Variants in RUVBL1 observed in about 807,000 individuals in gnomAD.
The protein encoded by RUVBL1 is RuvB like AAA ATPase 1.
Under a neutral mutation model 52.4 loss-of-function variants are expected in RUVBL1, and 4 were observed. That is an observed-to-expected ratio of 0.08 (90% CI 0.04 to 0.17). The LOEUF is 0.17. Among genes scored for constraint, RUVBL1 ranks in the 10% least tolerant of loss-of-function variants. The pLI is 1.00. For synonymous variants in RUVBL1, 217 were observed against 214.4 expected (o/e 1.01, Z -0.10); for missense variants, 298 against 572.8 (o/e 0.52, Z 4.90).
At position 128,081,493 on chromosome 3, in the gene RUVBL1, G is replaced by T; in HGVS notation, c.1212-84C>A. ...CCCCCCACATCAGTAGGCAGCACTG[G>T]CACCAGGAGCAGAGCCCAGTGCTGG... On this transcript the variant is annotated intron_variant, in intron 10 of 10. Transcript: ENST00000322623. This position sits in a 1 kb window ranked among gnomAD's most constrained non-coding sequence, Gnocchi z 4.8. 3 of 1,402,996 alleles carry T rather than the reference G, an allele frequency of 2.1e-6. No homozygotes were observed. Among genetic ancestry groups the T allele is most frequent in the South Asian group, 2.6e-5 (2 of 75,570 alleles). The allele number at this position is 1,402,996 out of a possible 1,614,324, so 86.9% of individuals were successfully genotyped here.
chr3:128,101,408 G>C, intron 5 of RUVBL1, 151 bp downstream of exon 5: 2 of 677,498 alleles, frequency 3.0e-6, no homozygotes, highest in South Asian at 1.8e-5. Flanking sequence ...ATACATAAAG[G>C]GCCACTAGTT....
upstream of RUVBL1, among the ~76,000 whole-genome samples, chr3:128,127,986 G>T (rs1393856613): frequency 1.3e-5 from 2 of 151,846 alleles, no homozygotes; most frequent in Non-Finnish European, 2.9e-5. Context: ...GACAGAGTGA[G>T]ACCCTGTCTC....
chr3:128,128,038 A>T (rs1943819996), upstream of RUVBL1, among the ~76,000 whole-genome samples: 1 of 152,054 alleles, frequency 6.6e-6, no homozygotes, highest in Non-Finnish European at 1.5e-5. Flanking sequence ...ATACATACAT[A>T]CATACATACA....
chr3:128,089,112 AT>A (rs1409834722), intron 8 of RUVBL1, among the ~76,000 whole-genome samples: 1 of 152,226 alleles, frequency 6.6e-6, no homozygotes, highest in Non-Finnish European at 1.5e-5. Flanking sequence ...TTAAGTTTGC[AT>A]TTCTTTGATT....
rs375757666 is a variant in RUVBL1 at position 128,100,584 on chromosome 3, C to T, written c.753+11G>A. The T allele has an allele frequency of 3.2e-6, 5 of 1,586,260 alleles. No homozygotes were observed. The highest frequency in any genetic ancestry group is 2.7e-5 in the African/African-American group (2 of 73,426). ...CTAATGTGCCAGATCACCCAGGCAT[C>T]GAGGCAGTACCTGGGGCCGCGCATT... On this transcript the variant is annotated intron_variant, in intron 6 of 10. Transcript: ENST00000322623.
Position 128,067,177 on chromosome 3 carries a change from T to C in RUVBL1, c.940-1957A>G, listed in dbSNP as rs1384388233. 5 of 1,601,332 alleles carry C rather than the reference T, an allele frequency of 3.1e-6. No individual in the cohort carries two copies. Among genetic ancestry groups the C allele is most frequent in the East Asian group, 2.2e-5 (1 of 44,820 alleles). On this transcript the variant is annotated intron_variant, in intron 9 of 9. Coordinates refer to the RUVBL1 transcript ENST00000464873. The surrounding 1 kb of genome is among the most constrained non-coding windows in gnomAD (Gnocchi z 4.1). ...GTAAGTAGGCTCTTTGAAGATGAGC[T>C]AGCAATGCAGCTAAGTTGCAGTGGT...
In RUVBL1 at chr3:128,081,500, G is replaced by A. The variant is rs1264212755; in HGVS notation, c.1212-91C>T. On this transcript the variant is annotated intron_variant, in intron 10 of 10. Coordinates refer to ENST00000322623, the MANE Select transcript of RUVBL1 (RefSeq NM_003707.3). This position sits in a 1 kb window ranked among gnomAD's most constrained non-coding sequence, Gnocchi z 4.8. ...CATCAGTAGGCAGCACTGGCACCAG[G>A]AGCAGAGCCCAGTGCTGGGCTTGTG... 5 of 1,359,584 alleles carry A rather than the reference G, an allele frequency of 3.7e-6. No homozygotes were observed. The highest frequency in any genetic ancestry group is 3.0e-6 in the Non-Finnish European group (3 of 990,948). 84.2% of individuals were successfully genotyped at this position (1,359,584 alleles called of 1,614,324 possible).
exon 1 of RUVBL1, chr3:128,153,492 AGGC>A (rs534678215): frequency 5.1e-5 from 75 of 1,475,862 alleles, no homozygotes; most frequent in East Asian, 1.4e-4. Context: ...CGGGTGTCCG[AGGC>A]GGCGGCGGCG....
At chr3:128,069,736 C>A in intron 9 of RUVBL1, 1 of 1,255,324 alleles carries the variant, frequency 8.0e-7, no homozygotes, top group Admixed American at 1.9e-5. Context: ...ATGGCGCGTG[C>A]TGCTGCGGCA....
intron 9 of RUVBL1, chr3:128,068,207 T>G: frequency 1.6e-6 from 1 of 636,694 alleles, no homozygotes; most frequent in South Asian, 1.9e-5. Flanking sequence ...TATATATTTA[T>G]AAACTTGCTA....
At chr3:128,108,797 TA>T (rs893334219) in intron 3 of RUVBL1, among the ~76,000 whole-genome samples, 54 of 149,862 alleles carry the variant, frequency 3.6e-4, no homozygotes, top group South Asian at 1.1e-3. Flanking sequence ...GGCACATGTT[TA>T]AAAAAAAAAT....
At position 128,098,924 on chromosome 3, in the gene RUVBL1, T is replaced by A; in HGVS notation, c.775A>T (p.Met259Leu). Reference sequence around the variant, plus strand: ...TTTGGCTTCATTAGCTGGCCCATCATGGACAGGATATCTTGTCCCCCCTGC... The same window carrying A: ...TTTGGCTTCATTAGCTGGCCCATCAAGGACAGGATATCTTGTCCCCCCTGC... ...RPQGGQDILS[M>L]MGQLMKPKKT... Residue 259 changes from methionine to leucine, a missense_variant, in exon 7 of 11, where the codon ATG becomes TTG. By Grantham distance (15) the Met-to-Leu change is conservative (BLOSUM62 2). Around this residue, in one of 5 missense-constraint regions of RUVBL1, gnomAD observed 161 missense variants for 298.3 expected, o/e 0.54. Transcript: ENST00000322623. The A allele has an allele frequency of 6.2e-7, 1 of 1,614,116 alleles. No homozygotes were observed. The highest frequency in any genetic ancestry group is 1.1e-5 in the South Asian group (1 of 91,082).
In RUVBL1 at chr3:128,081,733, C is replaced by A; in HGVS notation, c.1212-324G>T. ...GCAAACTTATATGTATACAGGTGTC[C>A]GACAGATAGGGATATTTAACATGGC... On this transcript the variant is annotated intron_variant, in intron 10 of 10. Coordinates refer to ENST00000322623, the MANE Select transcript of RUVBL1 (RefSeq NM_003707.3). This position sits in a 1 kb window ranked among gnomAD's most constrained non-coding sequence, Gnocchi z 4.8. 4.1e-6 allele frequency: 1 copy of A among 245,378 alleles called. No individual in the cohort carries two copies. Among genetic ancestry groups the A allele is most frequent in the Non-Finnish European group, 7.8e-6 (1 of 127,532 alleles). The allele number at this position is 245,378 out of a possible 1,614,324, so 15.2% of individuals were successfully genotyped here.
intron 1 of RUVBL1, among the ~76,000 whole-genome samples, chr3:128,148,438 A>G (rs1944136120): frequency 6.6e-6 from 1 of 152,174 alleles, no homozygotes. Flanking sequence ...ATTCACTGTG[A>G]TGGGAGTGGA....
At chr3:128,103,123 T>C (rs1299580676) in intron 4 of RUVBL1, among the ~76,000 whole-genome samples, 2 of 152,236 alleles carry the variant, frequency 1.3e-5, no homozygotes, top group African/African-American at 4.8e-5. Flanking sequence ...CCTAAAAGTA[T>C]TCATTTTGGA....
intron 3 of RUVBL1, among the ~76,000 whole-genome samples, chr3:128,111,659 G>C (rs1311894190): frequency 1.3e-5 from 2 of 152,130 alleles, no homozygotes; most frequent in African/African-American, 4.8e-5. Context: ...AGCAAAACCA[G>C]AGCCCAGGGA....
In RUVBL1 at chr3:128,082,977, T is replaced by C; in HGVS notation, c.1120-403A>G. On this transcript the variant is annotated intron_variant, in intron 9 of 10. Transcript: ENST00000322623. This position sits in a 1 kb window ranked among gnomAD's most constrained non-coding sequence, Gnocchi z 4.7. ...TAACCTTCCTCTCCAGCATGGGCAC[T>C]ACTGCCTACAAGCACTCAGGCAAGA... 2 of 164,690 alleles carry C rather than the reference T, an allele frequency of 1.2e-5. No homozygotes were observed. The highest frequency in any genetic ancestry group is 3.2e-4 in the South Asian group (2 of 6,346). The allele number at this position is 164,690 out of a possible 1,614,324, so 10.2% of individuals were successfully genotyped here. A position where few individuals can be genotyped will look rare whatever the true frequency, so the allele number is the denominator to read the frequency against.
chr3:128,153,167 G>GATAGCT, intron 1 of RUVBL1: 1 of 1,169,760 alleles, frequency 8.5e-7, no homozygotes, highest in Non-Finnish European at 1.1e-6. Context: ...CAATCCTCTT[G>GATAGCT]ATAGCTATAG....
intron 1 of RUVBL1, among the ~76,000 whole-genome samples, chr3:128,136,910 G>A (rs1943956811): frequency 6.6e-6 from 1 of 152,086 alleles, no homozygotes; most frequent in Admixed American, 6.6e-5. Context: ...CATATAGAAA[G>A]CAAATAGTAT....
Sources: gnomAD v4.1 joint callset for allele counts (sites outside exome capture counted in the v4.1 genomes callset) on GRCh38, gnomAD v4.1.1 for gene constraint, gnomAD v4.1.1 regional missense constraint, Gnocchi (gnomAD v3.1) non-coding constraint, MANE v1.5 for transcripts, NCBI Gene and HGNC (gene_info 2026-07-23, HGNC 2026-07-21) for gene names.